Variants in WIPF1 observed in about 807,000 individuals in gnomAD.
WIPF1 encodes WAS/WASL-interacting protein family member 1.
Under a neutral mutation model 35.4 loss-of-function variants are expected in WIPF1, and 13 were observed. That is an observed-to-expected ratio of 0.37 (90% CI 0.24 to 0.58). The LOEUF (loss-of-function observed/expected upper bound fraction) is 0.58. WIPF1 is among the 20% of genes least tolerant of loss of function. The probability of loss-of-function intolerance (pLI) is 0.74; values close to 1 mark genes in which losing one functional copy is unlikely to be tolerated. For synonymous variants in WIPF1, 267 were observed against 266.3 expected (o/e 1.00, Z -0.02); for missense variants, 591 against 667.0 (o/e 0.89, Z 1.25).
chr2:174,562,668 G>A (rs545499417), intron 7 of WIPF1, 66 bp from the exon 8 acceptor site: 95 of 1,587,972 alleles, frequency 6.0e-5, no homozygotes, highest in Non-Finnish European at 7.6e-5. Flanking sequence ...GTGGAAACTC[G>A]GGGATGGTTG....
intron 1 of WIPF1, among the ~76,000 whole-genome samples, chr2:174,680,363 A>C (rs1452515285): frequency 1.3e-5 from 2 of 152,202 alleles, no homozygotes; most frequent in Non-Finnish European, 2.9e-5. Flanking sequence ...CAAGCCTTCA[A>C]GAACCATGGT....
At chr2:174,568,311 A>G (rs1183777980) in intron 5 of WIPF1, among the ~76,000 whole-genome samples, 3 of 152,232 alleles carry the variant, frequency 2.0e-5, no homozygotes, top group Non-Finnish European at 4.4e-5. Context: ...TTGGCTTTGA[A>G]TTAGCACTCA....
In WIPF1 at chr2:174,666,229, C is replaced by T. The variant is rs547965398; in HGVS notation, c.-39+16545G>A. On this transcript the variant is annotated intron_variant, in intron 1 of 8. Transcript: ENST00000272746. ...CAAGTGAGCCATGATTGTGCCACTG[C>T]ACTCCAGCCTGGGTGACACAGTGAG... Among the ~76,000 whole-genome samples, 3 of 152,304 alleles carry T rather than the reference C, an allele frequency of 2.0e-5. No individual in the cohort carries two copies. The South Asian group carries it at 6.2e-4, about 32-fold the overall frequency.
intron 1 of WIPF1, among the ~76,000 whole-genome samples, chr2:174,679,623 C>G (rs562271143): frequency 9.9e-5 from 15 of 152,136 alleles, no homozygotes; most frequent in Middle Eastern, 3.2e-3. Context: ...TTACCACAGA[C>G]TTATAGAATC....
chr2:174,562,162 C>A lies in WIPF1; in HGVS notation c.*385G>T. The A allele has an allele frequency of 1.3e-6, 2 of 1,550,300 alleles. No individual in the cohort carries two copies. Among genetic ancestry groups the A allele is most frequent in the South Asian group, 1.2e-5 (1 of 84,054 alleles). On this transcript the variant is annotated 3_prime_UTR_variant, in exon 8 of 8. Coordinates refer to ENST00000679041, the MANE Select transcript of WIPF1 (RefSeq NM_001375834.1). ...AGAAACAGAGAGGAGGCCAAGCATG[C>A]GAAAAAGGAACGGGAGAAAACAGCT... is the stretch of plus-strand genomic sequence containing the variant.
chr2:174,628,906 A>G lies in WIPF1; in HGVS notation c.-38-43295T>C, dbSNP rs1312670612. On this transcript the variant is annotated intron_variant, in intron 1 of 8. Coordinates refer to the WIPF1 transcript ENST00000272746. ...AGATTATTTTTTTCCTACCTCTTTA[A>G]GATTTAAATGATGACAACAGCATCT... 2.6e-5 allele frequency among the ~76,000 whole-genome samples: 4 copies of G among 152,242 alleles called. No homozygotes were observed. In the East Asian group the frequency reaches 7.7e-4, roughly 29 times the overall value.
At chr2:174,671,829 T>C (rs996509789) in intron 1 of WIPF1, among the ~76,000 whole-genome samples, 2 of 152,184 alleles carry the variant, frequency 1.3e-5, no homozygotes, top group Admixed American at 6.5e-5. Context: ...CCCTGTCTCC[T>C]GATGTTATCA....
intron 1 of WIPF1, among the ~76,000 whole-genome samples, chr2:174,672,758 C>T (rs1447103675): frequency 6.6e-6 from 1 of 152,202 alleles, no homozygotes; most frequent in Admixed American, 6.5e-5. Flanking sequence ...TGCAGATTCT[C>T]TACTCTACTT....
chr2:174,661,275 A>G (rs1687753627), intron 1 of WIPF1, among the ~76,000 whole-genome samples: 1 of 152,156 alleles, frequency 6.6e-6, no homozygotes, highest in South Asian at 2.1e-4. Context: ...GATTTTATTA[A>G]AAACATAAAT....
intron 1 of WIPF1, among the ~76,000 whole-genome samples, chr2:174,659,575 G>A (rs949781996): frequency 2.0e-5 from 3 of 152,170 alleles, no homozygotes; most frequent in African/African-American, 7.2e-5. Context: ...CTTATGTAGG[G>A]AAGGTTGACA....
upstream of WIPF1, among the ~76,000 whole-genome samples, chr2:174,599,516 G>A (rs990361318): frequency 1.3e-5 from 2 of 152,098 alleles, no homozygotes; most frequent in African/African-American, 4.8e-5. Context: ...CTCTGGCCTG[G>A]TGTCCACCCG....
chr2:174,667,910 T>TC (rs1687926796), intron 1 of WIPF1, among the ~76,000 whole-genome samples: 1 of 152,194 alleles, frequency 6.6e-6, no homozygotes, highest in African/African-American at 2.4e-5. Flanking sequence ...CCAAAATGAC[T>TC]TGAGCCAGAA....
upstream of WIPF1, among the ~76,000 whole-genome samples, chr2:174,600,917 T>C: frequency 8.8e-6 from 1 of 113,332 alleles, no homozygotes; most frequent in Non-Finnish European, 1.9e-5. Context: ...TGTTCCTTTT[T>C]TTTTTTTTTT....
intron 1 of WIPF1, among the ~76,000 whole-genome samples, chr2:174,662,454 C>T (rs1343163357): frequency 6.6e-6 from 1 of 152,164 alleles, no homozygotes; most frequent in Non-Finnish European, 1.5e-5. Context: ...TCAGCTGGAC[C>T]TTTGGTTAGT....
At chr2:174,562,891 T>C (rs1233441151) in intron 7 of WIPF1, among the ~76,000 whole-genome samples, 8 of 152,230 alleles carry the variant, frequency 5.3e-5, no homozygotes, top group African/African-American at 1.2e-4. Flanking sequence ...TTAGAAAATA[T>C]GGATGAGTAA....
At chr2:174,650,968 T>C (rs896520155) in intron 1 of WIPF1, among the ~76,000 whole-genome samples, 1 of 152,270 alleles carries the variant, frequency 6.6e-6, no homozygotes, top group African/African-American at 2.4e-5. Flanking sequence ...AACACAACTT[T>C]TGATTCACAG....
In WIPF1 at chr2:174,560,138, T is replaced by G. The variant is rs1200103657; in HGVS notation, c.*2409A>C. ...AAGCTCTGATTTCAGGGAAGAAAAATTCATTTTTGTAATTTTCCATAGTTT... is the reference window on the plus strand; with the variant it reads ...AAGCTCTGATTTCAGGGAAGAAAAAGTCATTTTTGTAATTTTCCATAGTTT... On this transcript the variant is annotated 3_prime_UTR_variant, in exon 8 of 8. Coordinates refer to ENST00000679041, the MANE Select transcript of WIPF1 (RefSeq NM_001375834.1). 2 of 152,560 alleles carry G rather than the reference T, an allele frequency of 1.3e-5. No individual in the cohort carries two copies. The highest frequency in any genetic ancestry group is 4.8e-5 in the African/African-American group (2 of 41,438). The allele number at this position is 152,560 out of a possible 1,614,324, so 9.5% of individuals were successfully genotyped here. A position where few individuals can be genotyped will look rare whatever the true frequency, so the allele number is the denominator to read the frequency against.
At chr2:174,671,611 AG>A (rs1292847148) in intron 1 of WIPF1, among the ~76,000 whole-genome samples, 1 of 152,178 alleles carries the variant, frequency 6.6e-6, no homozygotes, top group African/African-American at 2.4e-5. Flanking sequence ...TTTCTCAGCA[AG>A]GAACAGCCCT....
At chr2:174,634,857 GC>G (rs1687138679) in intron 1 of WIPF1, among the ~76,000 whole-genome samples, 2 of 152,168 alleles carry the variant, frequency 1.3e-5, no homozygotes, top group African/African-American at 4.8e-5. Context: ...ACAGTCTTGA[GC>G]CCCAGGGTCA....
Sources: allele counts gnomAD v4.1 joint callset (sites outside exome capture counted in the v4.1 genomes callset), GRCh38; gene constraint gnomAD v4.1.1; transcripts MANE v1.5; gene names NCBI Gene and HGNC (gene_info 2026-07-23, HGNC 2026-07-21).